The following DDX60L variants were observed in gnomAD, a reference collection of about 807,000 sequenced individuals.
DDX60L encodes probable ATP-dependent RNA helicase DDX60-like.
A neutral mutation model predicts 211.6 loss-of-function variants in DDX60L; 191 were observed. The ratio of observed to expected loss-of-function variants is 0.90; its 90% CI spans 0.80 to 1.02. The LOEUF (loss-of-function observed/expected upper bound fraction) is 1.02. DDX60L is among the 50% of genes least tolerant of loss of function. The pLI is 0.00. For missense variants in DDX60L, 2,007 were observed against 1,984.1 expected (o/e 1.01, Z -0.22); for synonymous variants, 706 against 694.1 (o/e 1.02, Z -0.27).
chr4:168,434,957 C>A (rs1752839899), intron 10 of DDX60L, among the ~76,000 whole-genome samples: 2 of 152,202 alleles, frequency 1.3e-5, no homozygotes, highest in African/African-American at 4.8e-5. Flanking sequence ...CTTCAGTCTT[C>A]CTCAAAGGGA....
rs543350878 is a variant in DDX60L at position 168,407,564 on chromosome 4, C to G, written c.2980-858G>C. ...CCTATTAAGCAAGTTAACCAAGTAT[C>G]TTTATGTCAAGGTTTCTGTTATGTT... is the stretch of plus-strand genomic sequence containing the variant. On this transcript the variant is annotated intron_variant, in intron 22 of 37. Transcript: ENST00000682922. Among the ~76,000 whole-genome samples the G allele has an allele frequency of 2.6e-5, 4 of 152,290 alleles. No homozygotes were observed. In the East Asian group the frequency reaches 7.7e-4, roughly 29 times the overall value.
rs1758819547 is a variant in DDX60L at position 168,471,801 on chromosome 4, G to A, written c.210C>T (p.Cys70=). 2 of 1,613,270 alleles carry A rather than the reference G, an allele frequency of 1.2e-6. No individual in the cohort carries two copies. Among genetic ancestry groups the A allele is most frequent in the South Asian group, 1.1e-5 (1 of 90,958 alleles). Reference sequence around the variant, plus strand: ...CGTTACTCAGAAGATCCACAAGATAGCATTCAACCAGATAGAAAAAGTGGA... The same window carrying A: ...CGTTACTCAGAAGATCCACAAGATAACATTCAACCAGATAGAAAAAGTGGA... ...QNLHFFYLVE[C]YLVDLLSNGG... is the part of the protein sequence containing the mutation. The change falls in exon 4 of 38, where the codon TGC becomes TGT. Residue 70 remains cysteine (C), a synonymous_variant. Transcript: ENST00000682922.
In DDX60L at chr4:168,358,089, A is replaced by G. The variant is rs146673577; in HGVS notation, c.*58T>C. The G allele has an allele frequency of 1.4e-6, 2 of 1,479,000 alleles. No homozygotes were observed. The highest frequency in any genetic ancestry group is 2.8e-5 in the African/African-American group (2 of 70,506). 91.6% of individuals were successfully genotyped at this position (1,479,000 alleles called of 1,614,324 possible). On this transcript the variant is annotated 3_prime_UTR_variant, in exon 38 of 38. Transcript: ENST00000682922. ...CATTTCATTGTGTAAGCTTAATTATATCTCTCCTTGCAAAGGGATAAATAC... is the reference window on the plus strand; with the variant it reads ...CATTTCATTGTGTAAGCTTAATTATGTCTCTCCTTGCAAAGGGATAAATAC...
intron 14 of DDX60L, among the ~76,000 whole-genome samples, chr4:168,426,823 C>T (rs949658765): frequency 6.6e-5 from 10 of 152,234 alleles, no homozygotes; most frequent in African/African-American, 2.4e-4. Flanking sequence ...AGAGTTTTTT[C>T]TTTATACTCT....
At chr4:168,399,305 T>TG (rs747381163) in intron 26 of DDX60L, among the ~76,000 whole-genome samples, 2 of 152,066 alleles carry the variant, frequency 1.3e-5, no homozygotes, top group Non-Finnish European at 2.9e-5. Flanking sequence ...CCCCAAGCCA[T>TG]GGCTGTGATA....
At chr4:168,407,441 C>T (rs573230509) in intron 22 of DDX60L, among the ~76,000 whole-genome samples, 4 of 152,150 alleles carry the variant, frequency 2.6e-5, no homozygotes, top group African/African-American at 9.7e-5. Flanking sequence ...TGGCTTCAAT[C>T]ACCACTTCTT....
chr4:168,462,031 A>G lies in DDX60L; in HGVS notation c.274T>C (p.Tyr92His). 1 of 1,600,496 alleles carries G rather than the reference A, an allele frequency of 6.2e-7. No individual in the cohort carries two copies. The highest frequency in any genetic ancestry group is 8.5e-7 in the Non-Finnish European group (1 of 1,171,498). Residue 92 changes from tyrosine (Y) to histidine (H), a missense_variant, in exon 5 of 38, where the codon TAT becomes CAT. Transcript: ENST00000682922. ...FTIVFFKDAE[Y>H]AYFDFPELLS... The stretch of plus-strand genomic sequence containing the variant: ...AGTTCAGGAAAATCAAAATATGCAT[A>G]TTCAGCATCCTGTGGTGAGAAAAAG...
chr4:168,434,542 C>G (rs897501784), intron 10 of DDX60L, among the ~76,000 whole-genome samples: 1 of 152,138 alleles, frequency 6.6e-6, no homozygotes, highest in Non-Finnish European at 1.5e-5. Context: ...AATTTGGATC[C>G]CTAAATGCCA....
At chr4:168,452,163 CAT>C (rs1436598389) in intron 8 of DDX60L, among the ~76,000 whole-genome samples, 1 of 152,196 alleles carries the variant, frequency 6.6e-6, no homozygotes, top group African/African-American at 2.4e-5. Flanking sequence ...ACTGAATAAA[CAT>C]GTGTGGACCA....
At chr4:168,457,261 TACAC>T (rs70961523) in intron 6 of DDX60L, among the ~76,000 whole-genome samples, 43,337 of 145,122 alleles carry the variant, frequency 0.3, 7,901 homozygotes, top group East Asian at 0.6. Flanking sequence ...ATAAACTACA[TACAC>T]ACACACACAC....
At chr4:168,451,613 A>G (rs936997724) in intron 8 of DDX60L, among the ~76,000 whole-genome samples, 7 of 152,206 alleles carry the variant, frequency 4.6e-5, no homozygotes, top group African/African-American at 1.4e-4. Flanking sequence ...CCTCACCTCT[A>G]TATTTGGATG....
chr4:168,361,822 T>C (rs775757455), intron 36 of DDX60L, among the ~76,000 whole-genome samples: 3 of 152,208 alleles, frequency 2.0e-5, no homozygotes, highest in Non-Finnish European at 4.4e-5. Flanking sequence ...AGAATCTATT[T>C]TGGAGAGTTG....
At chr4:168,401,995 T>C (rs567927155) in intron 25 of DDX60L, among the ~76,000 whole-genome samples, 1 of 152,288 alleles carries the variant, frequency 6.6e-6, no homozygotes, top group Admixed American at 6.5e-5. Flanking sequence ...AGGAAGGTAA[T>C]ATTATCTCTG....
chr4:168,404,090 T>C lies in DDX60L; in HGVS notation c.3230A>G (p.Lys1077Arg). 7.2e-7 allele frequency: 1 copy of C among 1,398,118 alleles called. No homozygotes were observed. The highest frequency in any genetic ancestry group is 9.4e-7 in the Non-Finnish European group (1 of 1,063,738). The allele number at this position is 1,398,118 out of a possible 1,614,324, so 86.6% of individuals were successfully genotyped here. A position where few individuals can be genotyped will look rare whatever the true frequency, so the allele number is the denominator to read the frequency against. The change falls in exon 25 of 38, where the codon AAG (lysine) becomes AGG (arginine). Residue 1077 changes from lysine (K) to arginine (R), a missense_variant. Transcript: ENST00000682922. ...GQVKKVKRVL[K>R]NLSPDSLSSS... The stretch of plus-strand genomic sequence containing the variant: ...AGACAATGAATCCGGACTAAGGTTC[T>C]TCAGTACTCTTTTGACCTACAACAG...
intron 30 of DDX60L, among the ~76,000 whole-genome samples, chr4:168,381,232 C>A (rs1560952928): frequency 1.3e-5 from 2 of 152,164 alleles, no homozygotes; most frequent in Non-Finnish European, 2.9e-5. Context: ...ATTTGTATAA[C>A]TAAAAGGAAG....
chr4:168,378,700 C>A (rs1742396819), intron 32 of DDX60L, among the ~76,000 whole-genome samples: 1 of 151,952 alleles, frequency 6.6e-6, no homozygotes. Flanking sequence ...CCTTGCTATA[C>A]CCGCCCTAGT....
intron 30 of DDX60L, 195 bp from the exon 31 acceptor site, chr4:168,380,025 A>G: frequency 2.1e-6 from 1 of 467,558 alleles, no homozygotes. Flanking sequence ...TAAATACATC[A>G]TATAAAGCAG....
rs138575847 is a variant in DDX60L, at chr4:168,405,012, ATT to A, written c.3214-908_3214-907del. Among the ~76,000 whole-genome samples the A allele has an allele frequency of 2.4e-3, 350 of 145,568 alleles. 1 individual carries two copies. The highest frequency in any genetic ancestry group is 3.8e-3 in the Non-Finnish European group (252 of 65,972). ...TGTAATATTTCCTAACATCAGTATC[ATT>A]TTTTTTTTTTTTGAAGATGAGTCTC... On this transcript the variant is annotated intron_variant, in intron 24 of 37. Coordinates refer to ENST00000682922, the MANE Select transcript of DDX60L (RefSeq NM_001012967.3).
intron 1 of DDX60L, among the ~76,000 whole-genome samples, chr4:168,473,949 G>A (rs1010374759): frequency 6.6e-6 from 1 of 152,166 alleles, no homozygotes; most frequent in Non-Finnish European, 1.5e-5. Context: ...TACAGTCTCT[G>A]TGAAACTGAA....
Sources: gnomAD v4.1 joint callset for allele counts (sites outside exome capture counted in the v4.1 genomes callset) on GRCh38, gnomAD v4.1.1 for gene constraint, MANE v1.5 for transcripts, NCBI Gene and HGNC (gene_info 2026-07-23, HGNC 2026-07-21) for gene names.